PIK3C2G: variants seen among roughly 807,000 people sequenced by gnomAD.
The protein encoded by PIK3C2G is phosphatidylinositol 3-kinase C2 domain-containing subunit gamma.
A neutral mutation model predicts 181.1 loss-of-function variants in PIK3C2G; 168 were observed. That is an observed-to-expected ratio of 0.93 (90% CI 0.82 to 1.05). The LOEUF is 1.05. Among genes scored for constraint, PIK3C2G ranks in the 50% least tolerant of loss-of-function variants. PIK3C2G has a pLI of 0.00. For missense variants in PIK3C2G, 1,869 were observed against 1,732.8 expected (o/e 1.08, Z -1.40); for synonymous variants, 573 against 592.2 (o/e 0.97, Z 0.47).
chr12:18,716,918 T>C, the PIK3C2G span, among the ~76,000 whole-genome samples: 7 of 152,204 alleles, frequency 4.6e-5, no homozygotes, highest in Admixed American at 4.6e-4. Context: ...TTTTTCCTTT[T>C]GTAAATATGA....
At chr12:18,401,784 A>T (rs1256813810) in intron 16 of PIK3C2G, among the ~76,000 whole-genome samples, 1 of 152,184 alleles carries the variant, frequency 6.6e-6, no homozygotes, top group Non-Finnish European at 1.5e-5. Flanking sequence ...TTAGCCATTA[A>T]GGAAATAAAA....
intron 13 of PIK3C2G, among the ~76,000 whole-genome samples, chr12:18,373,163 G>T (rs1942188805): frequency 6.6e-6 from 1 of 152,172 alleles, no homozygotes; most frequent in African/African-American, 2.4e-5. Context: ...TTTGTTCGTT[G>T]CTTCAAGTTA....
At chr12:18,575,452 A>G (rs1171631364) in intron 29 of PIK3C2G, among the ~76,000 whole-genome samples, 1 of 152,164 alleles carries the variant, frequency 6.6e-6, no homozygotes, top group Non-Finnish European at 1.5e-5. Context: ...ATGGTCAGTC[A>G]TTTGGCCTCC....
At chr12:18,301,614 G>A (rs1169644234) in intron 5 of PIK3C2G, among the ~76,000 whole-genome samples, 1 of 151,180 alleles carries the variant, frequency 6.6e-6, no homozygotes, top group East Asian at 1.9e-4. Flanking sequence ...ATCCTGAATT[G>A]TTTTTATGAT....
intron 18 of PIK3C2G, among the ~76,000 whole-genome samples, chr12:18,428,974 T>C (rs922301554): frequency 6.6e-6 from 1 of 152,182 alleles, no homozygotes; most frequent in Non-Finnish European, 1.5e-5. Context: ...AGTATTGAGT[T>C]GAGTGGTGGC....
chr12:18,463,405 T>C (rs1461802478), intron 18 of PIK3C2G, among the ~76,000 whole-genome samples: 1 of 152,152 alleles, frequency 6.6e-6, no homozygotes, highest in African/African-American at 2.4e-5. Context: ...GTTAGACTCC[T>C]CTCTGCCATA....
At chr12:18,616,008 C>T (rs1271474028) in intron 31 of PIK3C2G, among the ~76,000 whole-genome samples, 1 of 151,960 alleles carries the variant, frequency 6.6e-6, no homozygotes, top group Non-Finnish European at 1.5e-5. Context: ...AAATACACAC[C>T]ACTCATTCTA....
intron 31 of PIK3C2G, among the ~76,000 whole-genome samples, chr12:18,617,333 G>T (rs1244180616): frequency 6.6e-6 from 1 of 152,082 alleles, no homozygotes; most frequent in Non-Finnish European, 1.5e-5. Flanking sequence ...AGGAACTATA[G>T]ACTCTCTGAC....
At chr12:18,430,980 A>C (rs570268997) in intron 18 of PIK3C2G, among the ~76,000 whole-genome samples, 1 of 152,000 alleles carries the variant, frequency 6.6e-6, no homozygotes, top group South Asian at 2.1e-4. Context: ...CAACTCTTTT[A>C]TCTAAAATTT....
chr12:18,689,972 C>T, the PIK3C2G span, among the ~76,000 whole-genome samples: 2,461 of 152,246 alleles, frequency 0.016, 75 homozygotes, highest in African/African-American at 0.055. Flanking sequence ...CCTGGAGAAT[C>T]ATTAACTCTC....
the PIK3C2G span, chr12:18,699,863 A>G: frequency 1.2e-6 from 2 of 1,613,120 alleles, no homozygotes; most frequent in Admixed American, 1.7e-5. Context: ...TGCTGATATA[A>G]TCTTGAATGT....
chr12:18,253,462 C>CGT, intron 1 of PIK3C2G, among the ~76,000 whole-genome samples: 1 of 151,920 alleles, frequency 6.6e-6, no homozygotes, highest in Non-Finnish European at 1.5e-5. Flanking sequence ...GAGAGTAAAA[C>CGT]GTGTGTGTGT....
chr12:18,556,123 T>C (rs1047947457), intron 26 of PIK3C2G, among the ~76,000 whole-genome samples: 2 of 152,136 alleles, frequency 1.3e-5, no homozygotes, highest in Non-Finnish European at 2.9e-5. Context: ...GCTTGGAGAC[T>C]TCCCTTAGGA....
chr12:18,538,199 A>G lies in PIK3C2G; in HGVS notation c.3367A>G (p.Ile1123Val). ...TTTTACTTCAGAGATGGAATACTTTATTACAGAGGGTGGGAAAAACCCACA... is the reference window on the plus strand; with the variant it reads ...TTTTACTTCAGAGATGGAATACTTTGTTACAGAGGGTGGGAAAAACCCACA... The part of the protein sequence containing the change: ...FIFTSEMEYF[I>V]TEGGKNPQHF... Residue 1123 changes from isoleucine (I) to valine (V), a missense_variant, in exon 25 of 33, where the codon ATT becomes GTT. Transcript: ENST00000538779. 6.2e-7 allele frequency: 1 copy of G among 1,612,318 alleles called. No homozygotes were observed. Among genetic ancestry groups the G allele is most frequent in the Non-Finnish European group, 8.5e-7 (1 of 1,178,950 alleles).
intron 24 of PIK3C2G, among the ~76,000 whole-genome samples, chr12:18,514,161 G>A (rs1942383447): frequency 6.6e-6 from 1 of 151,690 alleles, no homozygotes; most frequent in Non-Finnish European, 1.5e-5. Flanking sequence ...TCCTGTAGTT[G>A]ATTTCTAGTT....
rs1336390449 is a variant in PIK3C2G at position 18,381,887 on chromosome 12, G to A, written c.1995+7G>A. The A allele has an allele frequency of 7.8e-6, 12 of 1,536,668 alleles. No homozygotes were observed. Among genetic ancestry groups the A allele is most frequent in the Admixed American group, 1.7e-5 (1 of 59,882 alleles). ...ATCCCCGGTGACCCTGCAGGTAAGT[G>A]CCAGGCTAAAAGATTAAAGTACACA... On this transcript the variant is annotated splice_region_variant and intron_variant, in intron 14 of 32. Coordinates refer to ENST00000538779, the MANE Select transcript of PIK3C2G (RefSeq NM_001288772.2).
intron 7 of PIK3C2G, among the ~76,000 whole-genome samples, chr12:18,322,007 T>C (rs2137469306): frequency 6.6e-6 from 1 of 152,300 alleles, no homozygotes; most frequent in Admixed American, 6.5e-5. Flanking sequence ...GGTGATGGGT[T>C]GATAGGTGCA....
At chr12:18,683,039 C>T in the PIK3C2G span, 3 of 559,784 alleles carry the variant, frequency 5.4e-6, no homozygotes, top group African/African-American at 1.9e-5. Context: ...GAACGCCATG[C>T]TGGGTTAGGA....
At chr12:18,450,108 C>T (rs1592287541) in intron 18 of PIK3C2G, among the ~76,000 whole-genome samples, 1 of 152,010 alleles carries the variant, frequency 6.6e-6, no homozygotes, top group Non-Finnish European at 1.5e-5. Context: ...ATCCTTTGCT[C>T]ACTTTTTAAT....
Sources: gnomAD v4.1 joint callset for allele counts (sites outside exome capture counted in the v4.1 genomes callset) on GRCh38, gnomAD v4.1.1 for gene constraint, MANE v1.5 for transcripts, NCBI Gene and HGNC (gene_info 2026-07-23, HGNC 2026-07-21) for gene names.